LRRTM4: variants seen among roughly 807,000 people sequenced by gnomAD.
The protein encoded by LRRTM4 is leucine rich repeat transmembrane neuronal 4, also known as leucine-rich repeat transmembrane neuronal protein 4.
A neutral mutation model predicts 47.6 loss-of-function variants in LRRTM4; 25 were observed. The ratio of observed to expected loss-of-function variants is 0.53; its 90% CI spans 0.38 to 0.73. The LOEUF (loss-of-function observed/expected upper bound fraction) is 0.73. LRRTM4 is among the 30% of genes least tolerant of loss of function. The pLI, the probability that LRRTM4 is intolerant of heterozygous loss-of-function variation, is 0.00. For synonymous variants in LRRTM4, 311 were observed against 269.5 expected, an observed-to-expected ratio of 1.15 and a Z score of -1.51; for missense variants, 638 against 713.4, an observed-to-expected ratio of 0.89 and a Z score of 1.20.
rs1672714602 is a variant in LRRTM4, at chr2:76,748,267, C to A, written c.*428G>T. 1 of 163,446 alleles carries A rather than the reference C, an allele frequency of 6.1e-6. No individual in the cohort carries two copies. Among genetic ancestry groups the A allele is most frequent in the South Asian group, 1.7e-4 (1 of 5,872 alleles). 10.1% of individuals were successfully genotyped at this position (163,446 alleles called of 1,614,324 possible). The stretch of plus-strand genomic sequence containing the variant: ...ATAAAATCTGTGAGAATTACACACA[C>A]CTAAAGAGGAAAACGGTTGTTTCCC... On this transcript the variant is annotated 3_prime_UTR_variant, in exon 4 of 4. Coordinates refer to ENST00000409884, the MANE Select transcript of LRRTM4 (RefSeq NM_001134745.3).
At chr2:77,058,824 ATTAC>A (rs1305593742) in intron 3 of LRRTM4, among the ~76,000 whole-genome samples, 1 of 152,148 alleles carries the variant, frequency 6.6e-6, no homozygotes, top group Non-Finnish European at 1.5e-5. Context: ...TTTTAAATAT[ATTAC>A]TTATATCAAT....
chr2:77,195,687 A>G (rs1673800996), intron 3 of LRRTM4, among the ~76,000 whole-genome samples: 1 of 152,206 alleles, frequency 6.6e-6, no homozygotes, highest in Non-Finnish European at 1.5e-5. Context: ...ATTCTAAAAT[A>G]TAAGCATTAA....
chr2:77,094,327 A>C (rs2103895394), intron 3 of LRRTM4, among the ~76,000 whole-genome samples: 1 of 152,324 alleles, frequency 6.6e-6, no homozygotes, highest in African/African-American at 2.4e-5. Flanking sequence ...GGATTTTAAA[A>C]GTTTATATTG....
intron 3 of LRRTM4, among the ~76,000 whole-genome samples, chr2:76,799,383 C>T (rs1208786062): frequency 1.8e-5 from 2 of 111,644 alleles, no homozygotes; most frequent in Admixed American, 1.7e-4. Flanking sequence ...CAGAAAAGGC[C>T]TTTGACAAAA....
intron 3 of LRRTM4, among the ~76,000 whole-genome samples, chr2:77,481,369 T>C (rs1270988531): frequency 6.6e-6 from 1 of 152,148 alleles, no homozygotes; most frequent in East Asian, 1.9e-4. Flanking sequence ...AGAACCTGCC[T>C]TCTTAACAAT....
At chr2:77,060,707 T>C (rs550157425) in intron 3 of LRRTM4, among the ~76,000 whole-genome samples, 133 of 152,158 alleles carry the variant, frequency 8.7e-4, no homozygotes, top group Non-Finnish European at 1.4e-3. Flanking sequence ...AAAATATGGC[T>C]TCTGCCATTA....
intron 3 of LRRTM4, among the ~76,000 whole-genome samples, chr2:76,913,115 T>A (rs1380579459): frequency 6.6e-6 from 1 of 152,254 alleles, no homozygotes; most frequent in African/African-American, 2.4e-5. Flanking sequence ...TTAGCATTAC[T>A]GCTATTCATA....
intron 3 of LRRTM4, among the ~76,000 whole-genome samples, chr2:76,933,243 T>C (rs1173891222): frequency 2.0e-5 from 3 of 152,092 alleles, no homozygotes; most frequent in Non-Finnish European, 4.4e-5. Context: ...TTCTAAACAA[T>C]CAATAAAATT....
chr2:76,917,966 G>C (rs1349936763), intron 3 of LRRTM4, among the ~76,000 whole-genome samples: 1 of 152,070 alleles, frequency 6.6e-6, no homozygotes, highest in Non-Finnish European at 1.5e-5. Flanking sequence ...TCTTCTATCT[G>C]GAACTTTTCC....
intron 3 of LRRTM4, among the ~76,000 whole-genome samples, chr2:77,082,296 C>T (rs1680557896): frequency 6.6e-6 from 1 of 151,852 alleles, no homozygotes; most frequent in Non-Finnish European, 1.5e-5. Context: ...ATTTTTTTTA[C>T]TCTTATTTTA....
At chr2:76,892,569 G>C (rs2103717359) in intron 3 of LRRTM4, among the ~76,000 whole-genome samples, 1 of 151,632 alleles carries the variant, frequency 6.6e-6, no homozygotes, top group Middle Eastern at 3.4e-3. Context: ...CAAACTCAAA[G>C]ACAGTAATAT....
intron 3 of LRRTM4, among the ~76,000 whole-genome samples, chr2:76,877,435 A>G (rs1362829291): frequency 6.6e-6 from 1 of 152,054 alleles, no homozygotes; most frequent in Non-Finnish European, 1.5e-5. Context: ...TTAATCAACT[A>G]ATGGATCAGC....
At chr2:76,994,569 C>G (rs1021950563) in intron 3 of LRRTM4, among the ~76,000 whole-genome samples, 108 of 151,956 alleles carry the variant, frequency 7.1e-4, no homozygotes, top group African/African-American at 2.5e-3. Flanking sequence ...TTGTGGCAGG[C>G]TAACCTATTT....
intron 3 of LRRTM4, among the ~76,000 whole-genome samples, chr2:76,998,114 G>A (rs1677268404): frequency 6.6e-6 from 1 of 151,958 alleles, no homozygotes; most frequent in African/African-American, 2.4e-5. Context: ...CATGTAATAT[G>A]CTCGAATCAT....
chr2:76,809,673 C>A (rs185644743), intron 3 of LRRTM4, among the ~76,000 whole-genome samples: 164 of 152,262 alleles, frequency 1.1e-3, no homozygotes, highest in African/African-American at 3.8e-3. Context: ...GTCTGCCATG[C>A]CATACCATCA....
chr2:77,392,453 T>A (rs1486804621), intron 3 of LRRTM4, among the ~76,000 whole-genome samples: 1 of 152,070 alleles, frequency 6.6e-6, no homozygotes. Flanking sequence ...TCTCAGATAC[T>A]TTTTGGTTTA....
intron 3 of LRRTM4, among the ~76,000 whole-genome samples, chr2:77,431,725 G>T (rs1205468113): frequency 2.7e-5 from 4 of 149,116 alleles, no homozygotes; most frequent in Non-Finnish European, 4.4e-5. Flanking sequence ...TTTTATGGTG[G>T]GGAAGGCAGA....
At chr2:77,054,439 A>T (rs1005872153) in intron 3 of LRRTM4, among the ~76,000 whole-genome samples, 5 of 152,172 alleles carry the variant, frequency 3.3e-5, no homozygotes, top group African/African-American at 1.2e-4. Context: ...CTTCTCCACA[A>T]TAAAAAAAAG....
chr2:77,013,065 A>T (rs145248022), intron 3 of LRRTM4, among the ~76,000 whole-genome samples: 11 of 152,250 alleles, frequency 7.2e-5, no homozygotes, highest in African/African-American at 2.4e-4. Flanking sequence ...TGAATGGATA[A>T]CCTTCTCTCC....
Sources: allele counts gnomAD v4.1 joint callset (sites outside exome capture counted in the v4.1 genomes callset), GRCh38; gene constraint gnomAD v4.1.1; transcripts MANE v1.5; gene names NCBI Gene and HGNC (gene_info 2026-07-23, HGNC 2026-07-21).